The following FECH variants were observed in gnomAD, a reference collection of about 807,000 sequenced individuals.
FECH encodes ferrochelatase, mitochondrial.
Under a neutral mutation model 56.9 loss-of-function variants are expected in FECH, and 40 were observed. That is an observed-to-expected ratio of 0.70 (90% confidence interval 0.55 to 0.92). The LOEUF (loss-of-function observed/expected upper bound fraction) is 0.92, where lower values mean the gene tolerates loss of function less well. FECH is among the 40% of genes least tolerant of loss of function. The pLI, the probability that FECH is intolerant of heterozygous loss-of-function variation, is 0.00. For missense variants in FECH, 431 were observed against 529.1 expected, an observed-to-expected ratio of 0.81 and a Z score of 1.82; for synonymous variants, 175 against 198.6, an observed-to-expected ratio of 0.88 and a Z score of 1.00.
chr18:57,583,327 A>G (rs2051314772), intron 1 of FECH, among the ~76,000 whole-genome samples: 1 of 152,240 alleles, frequency 6.6e-6, no homozygotes, highest in South Asian at 2.1e-4. Context: ...CACGGGCAGC[A>G]TTGCGTGGCG....
In FECH at chr18:57,581,591, C is replaced by G. The variant is rs2051278311; in HGVS notation, c.68-1392G>C. Reference sequence around the variant, plus strand: ...AATTCAGGCTGTGGGTTAAGCAGCTCTGACTCTGAATTCAGCTCTGCCACT... The same window carrying G: ...AATTCAGGCTGTGGGTTAAGCAGCTGTGACTCTGAATTCAGCTCTGCCACT... On this transcript the variant is annotated intron_variant, in intron 1 of 10. Coordinates refer to ENST00000262093, the MANE Select transcript of FECH (RefSeq NM_000140.5). Among the ~76,000 whole-genome samples the G allele has an allele frequency of 2.0e-5, 3 of 152,240 alleles. 1 individual carries two copies. The South Asian group carries it at 6.2e-4, about 32-fold the overall frequency.
At chr18:57,584,744 G>A (rs1238544801) in intron 1 of FECH, among the ~76,000 whole-genome samples, 1 of 151,342 alleles carries the variant, frequency 6.6e-6, no homozygotes, top group Non-Finnish European at 1.5e-5. Context: ...GTTAGTTGCT[G>A]ATATGGAGCC....
At chr18:57,557,539 C>A (rs1186677239) in intron 7 of FECH, among the ~76,000 whole-genome samples, 1 of 152,218 alleles carries the variant, frequency 6.6e-6, no homozygotes, top group Non-Finnish European at 1.5e-5. Flanking sequence ...CACGGTGGCT[C>A]ATGCCTGTGA....
chr18:57,563,005 T>C, intron 5 of FECH, 25 bp from the exon 6 acceptor site: 1 of 1,572,752 alleles, frequency 6.4e-7, no homozygotes, highest in African/African-American at 1.3e-5. Context: ...GACCACTTAG[T>C]AGATGCATTT....
chr18:57,553,368 C>G (rs1184180526), intron 9 of FECH, among the ~76,000 whole-genome samples: 1 of 152,122 alleles, frequency 6.6e-6, no homozygotes, highest in Non-Finnish European at 1.5e-5. Context: ...GGTGTTGGCT[C>G]AAGTTCTGCC....
At position 57,549,067 on chromosome 18, in the gene FECH, G is replaced by T. The variant is rs1421250262; in HGVS notation, c.*1645C>A. 1 of 151,984 alleles carries T rather than the reference G, an allele frequency of 6.6e-6. No individual in the cohort carries two copies. Among genetic ancestry groups the T allele is most frequent in the Non-Finnish European group, 1.5e-5 (1 of 68,006 alleles). The allele number at this position is 151,984 out of a possible 1,614,324, so 9.4% of individuals were successfully genotyped here. A position where few individuals can be genotyped will look rare whatever the true frequency, so the allele number is the denominator to read the frequency against. ...CTACTGTGAACCTCATCCCCAAAAA[G>T]GTAATGGCAAAGGCTAGAGGAAAAT... is the stretch of plus-strand genomic sequence containing the variant. On this transcript the variant is annotated 3_prime_UTR_variant, in exon 11 of 11. Coordinates refer to ENST00000262093, the MANE Select transcript of FECH (RefSeq NM_000140.5).
At chr18:57,556,988 A>T (rs2050877003) in intron 7 of FECH, among the ~76,000 whole-genome samples, 1 of 149,212 alleles carries the variant, frequency 6.7e-6, no homozygotes, top group Non-Finnish European at 1.5e-5. Context: ...AGATTGGAGG[A>T]TGCTGAGGAA....
intron 1 of FECH, among the ~76,000 whole-genome samples, chr18:57,584,128 C>T (rs190610274): frequency 5.3e-5 from 8 of 150,714 alleles, no homozygotes; most frequent in Non-Finnish European, 1.0e-4. Flanking sequence ...TGCAGTGAGC[C>T]GAGATCATGC....
In FECH at chr18:57,554,958, GC is replaced by G. The variant is rs752267929; in HGVS notation, c.805-7del. The G allele has an allele frequency of 1.2e-6, 2 of 1,610,448 alleles. No homozygotes were observed. The highest frequency in any genetic ancestry group is 4.5e-5 in the East Asian group (2 of 44,850). On this transcript the variant is annotated splice_region_variant and splice_polypyrimidine_tract_variant and intron_variant, in intron 7 of 10. Coordinates refer to ENST00000262093, the MANE Select transcript of FECH (RefSeq NM_000140.5). Reference sequence around the variant, plus strand: ...GGGTCGCCTCTGTTGACCACCTGCAGCAGAGACACAATGGGTGTTCAGCCAT... The same window carrying G: ...GGGTCGCCTCTGTTGACCACCTGCAGAGAGACACAATGGGTGTTCAGCCAT...
intron 3 of FECH, 192 bp downstream of exon 3, chr18:57,573,054 C>G: frequency 1.6e-6 from 1 of 636,512 alleles, no homozygotes; most frequent in Non-Finnish European, 2.7e-6. Context: ...AGAATCCCCA[C>G]TAACTTATTT....
At position 57,571,391 on chromosome 18, in the gene FECH, C is replaced by A. The variant is rs1206108637; in HGVS notation, c.463+1G>T. The A allele has an allele frequency of 6.2e-7, 1 of 1,613,898 alleles. No homozygotes were observed. The highest frequency in any genetic ancestry group is 8.5e-7 in the Non-Finnish European group (1 of 1,179,858). On this transcript the variant is annotated splice_donor_variant, in intron 4 of 10. Transcript: ENST00000262093. LOFTEE classifies it high-confidence loss of function. ...TACATGTTAATGAAGAAACACCATA[C>A]CTGTGTTGGGGGACAATTCATCCAG...
At chr18:57,583,319 C>T (rs992530385) in intron 1 of FECH, among the ~76,000 whole-genome samples, 2 of 152,176 alleles carry the variant, frequency 1.3e-5, no homozygotes, top group African/African-American at 2.4e-5. Context: ...TCTGATGGCA[C>T]GGGCAGCATT....
rs1011641915 is a variant in FECH, at chr18:57,550,641, A to G, written c.*71T>C. On this transcript the variant is annotated 3_prime_UTR_variant, in exon 11 of 11. Transcript: ENST00000262093. Reference sequence around the variant, plus strand: ...GACTTCCTTCCTTGATCTCTAAATAACACCCTCTCCACATCGGAGGTATCT... The same window carrying G: ...GACTTCCTTCCTTGATCTCTAAATAGCACCCTCTCCACATCGGAGGTATCT... 5.6e-6 allele frequency: 9 copies of G among 1,596,734 alleles called. No homozygotes were observed. The highest frequency in any genetic ancestry group is 7.7e-6 in the Non-Finnish European group (9 of 1,166,186).
chr18:57,571,402 G>GGAC lies in FECH; in HGVS notation c.450_452dup (p.Ser151dup). On this transcript the variant is annotated inframe_insertion, in exon 4 of 11. Transcript: ENST00000262093. ...GAAGAAACACCATACCTGTGTTGGG[G>GGAC]GACAATTCATCCAGCAGCTTCACCA... 1 of 1,613,946 alleles carries GGAC rather than the reference G, an allele frequency of 6.2e-7. No homozygotes were observed. The highest frequency in any genetic ancestry group is 2.2e-5 in the East Asian group (1 of 44,842).
At chr18:57,584,129 G>A (rs1172808310) in intron 1 of FECH, among the ~76,000 whole-genome samples, 6 of 150,538 alleles carry the variant, frequency 4.0e-5, no homozygotes, top group East Asian at 2.0e-4. Context: ...GCAGTGAGCC[G>A]AGATCATGCC....
At chr18:57,579,660 A>G (rs1389656200) in intron 2 of FECH, among the ~76,000 whole-genome samples, 1 of 152,220 alleles carries the variant, frequency 6.6e-6, no homozygotes, top group Non-Finnish European at 1.5e-5. Flanking sequence ...TCACTGTGTT[A>G]AGGGATGAAA....
At chr18:57,562,193 T>G (rs1182776978) in intron 6 of FECH, among the ~76,000 whole-genome samples, 1 of 152,220 alleles carries the variant, frequency 6.6e-6, no homozygotes, top group Non-Finnish European at 1.5e-5. Flanking sequence ...AAACTTCTAC[T>G]AGCAGAACAA....
rs376570109 is a variant in FECH at position 57,580,163 on chromosome 18, C to T, written c.104G>A (p.Arg35Lys). 52 of 1,614,226 alleles carry T rather than the reference C, an allele frequency of 3.2e-5. No individual in the cohort carries two copies. Among genetic ancestry groups the T allele is most frequent in the South Asian group, 2.4e-4 (22 of 91,088 alleles). ...SSSWRVCQPW[R>K]WKSGAAAAAV... ...CGCTGCAGCTGCACCTGACTTCCAC[C>T]TCCATGGCTGACAGACCCTCCAGCT... Residue 35 changes from arginine (R) to lysine (K), a missense_variant, in exon 2 of 11, where the codon AGG becomes AAG. Arg to Lys is a conservative substitution (Grantham distance 26). Coordinates refer to ENST00000262093, the MANE Select transcript of FECH (RefSeq NM_000140.5).
intron 2 of FECH, among the ~76,000 whole-genome samples, chr18:57,577,781 C>T (rs1202809340): frequency 6.6e-6 from 1 of 152,142 alleles, no homozygotes. Context: ...ATTGGCCTGG[C>T]TGGTCGCTCA....
Sources: allele counts gnomAD v4.1 joint callset (sites outside exome capture counted in the v4.1 genomes callset), GRCh38; gene constraint gnomAD v4.1.1; transcripts MANE v1.5; gene names NCBI Gene and HGNC (gene_info 2026-07-23, HGNC 2026-07-21).